SLC8A1: variants seen among roughly 807,000 people sequenced by gnomAD.
The protein encoded by SLC8A1 is solute carrier family 8 member A1, also known as sodium/calcium exchanger 1.
SLC8A1 carries 18 observed loss-of-function variants against 68.3 expected under a neutral mutation model. The ratio of observed to expected loss-of-function variants is 0.26; its 90% CI spans 0.18 to 0.39. The LOEUF is 0.39. Among genes scored for constraint, SLC8A1 ranks in the 10% least tolerant of loss-of-function variants. The pLI is 1.00. For synonymous variants in SLC8A1, 475 were observed against 415.5 expected (o/e 1.14, Z -1.74); for missense variants, 985 against 1,156.7 (o/e 0.85, Z 2.15).
intron 6 of SLC8A1, among the ~76,000 whole-genome samples, chr2:40,147,792 G>A (rs1327313852): frequency 6.6e-6 from 1 of 152,176 alleles, no homozygotes; most frequent in Non-Finnish European, 1.5e-5. Context: ...GCTGCCCAGA[G>A]CCTCTTAAGA....
intron 1 of SLC8A1, among the ~76,000 whole-genome samples, chr2:40,484,437 G>A (rs1032016313): frequency 6.6e-6 from 1 of 152,210 alleles, no homozygotes; most frequent in African/African-American, 2.4e-5. Flanking sequence ...ACTCTTCTCA[G>A]GGATGCTGTG....
intron 1 of SLC8A1, among the ~76,000 whole-genome samples, chr2:40,506,442 A>T (rs1706374889): frequency 6.6e-6 from 1 of 151,944 alleles, no homozygotes; most frequent in Non-Finnish European, 1.5e-5. Flanking sequence ...CATTTGTTGA[A>T]CATAAGCTAA....
At chr2:40,154,085 A>T (rs1447673413) in intron 6 of SLC8A1, among the ~76,000 whole-genome samples, 1 of 152,140 alleles carries the variant, frequency 6.6e-6, no homozygotes, top group East Asian at 1.9e-4. Context: ...TTCATATTCC[A>T]GCTAATCACT....
rs1271383599 is a variant in SLC8A1 at position 40,160,755 on chromosome 2, A to T, written c.2161+10T>A. The T allele has an allele frequency of 6.2e-7, 1 of 1,610,240 alleles. No homozygotes were observed. The highest frequency in any genetic ancestry group is 8.5e-7 in the Non-Finnish European group (1 of 1,176,758). On this transcript the variant is annotated intron_variant, in intron 6 of 7. Coordinates refer to ENST00000406785, the Ensembl canonical transcript of SLC8A1. Reference sequence around the variant, plus strand: ...ATTTTAATTTATAATATGCAGAGAAAGGCACTCACCAGCACTGACAGTGAT... The same window carrying T: ...ATTTTAATTTATAATATGCAGAGAATGGCACTCACCAGCACTGACAGTGAT...
chr2:40,213,195 T>C (rs1461859331), intron 2 of SLC8A1: 1 of 152,210 alleles, frequency 6.6e-6, no homozygotes, highest in Non-Finnish European at 1.5e-5. Flanking sequence ...CCCAGTGATA[T>C]GAGTACCCAC....
chr2:40,313,976 G>A (rs1028422138), intron 2 of SLC8A1, among the ~76,000 whole-genome samples: 5 of 151,908 alleles, frequency 3.3e-5, no homozygotes, highest in Admixed American at 3.3e-4. Context: ...AGTCTAGCCT[G>A]TCTTTTCCTT....
intron 2 of SLC8A1, among the ~76,000 whole-genome samples, chr2:40,338,900 A>T (rs1432367640): frequency 6.6e-6 from 1 of 152,180 alleles, no homozygotes; most frequent in Non-Finnish European, 1.5e-5. Flanking sequence ...CTAAACTAAA[A>T]ATCAGAAATT....
At chr2:40,113,223 A>G (rs2034790644) in exon 8 of SLC8A1, 1 of 152,496 alleles carries the variant, frequency 6.6e-6, no homozygotes, top group Non-Finnish European at 1.5e-5. Flanking sequence ...ACTGAGTGAC[A>G]GAAGAAAAAA....
chr2:40,392,948 T>C (rs899799254), intron 2 of SLC8A1, among the ~76,000 whole-genome samples: 1 of 152,124 alleles, frequency 6.6e-6, no homozygotes, highest in African/African-American at 2.4e-5. Flanking sequence ...GATTATAGTG[T>C]ACTAGTAAAT....
rs1004802652 is a variant in SLC8A1 at position 40,351,502 on chromosome 2, G to T, written c.1808+76971C>A. On this transcript the variant is annotated intron_variant, in intron 2 of 7. Transcript: ENST00000406785. The stretch of plus-strand genomic sequence containing the variant: ...CCTTGTCTGCCCCTCCTGTGATGCC[G>T]CCAGTATTCTAATCTCCAAATCTAA... Among the ~76,000 whole-genome samples the T allele has an allele frequency of 1.3e-5, 2 of 151,290 alleles. 1 individual carries two copies. The highest frequency in any genetic ancestry group is 3.9e-4 in the East Asian group (2 of 5,136).
At chr2:40,299,088 G>GC (rs964551764) in intron 2 of SLC8A1, among the ~76,000 whole-genome samples, 3 of 78,548 alleles carry the variant, frequency 3.8e-5, no homozygotes, top group Non-Finnish European at 8.1e-5. Context: ...ACAGTTACTT[G>GC]GGGTATTTCT....
At chr2:40,169,287 C>G (rs13017329) in intron 4 of SLC8A1, among the ~76,000 whole-genome samples, 25,421 of 152,060 alleles carry the variant, frequency 0.17, 2,629 homozygotes, top group East Asian at 0.45. Context: ...TTTGGAGAGG[C>G]GGACAAGGCC....
intron 2 of SLC8A1, among the ~76,000 whole-genome samples, chr2:40,416,096 A>G (rs866442537): frequency 6.7e-6 from 1 of 148,562 alleles, no homozygotes; most frequent in African/African-American, 2.5e-5. Flanking sequence ...CACTTTTCTG[A>G]GACAGCAAGC....
chr2:40,145,074 C>T (rs2042207417), intron 6 of SLC8A1, among the ~76,000 whole-genome samples: 1 of 152,166 alleles, frequency 6.6e-6, no homozygotes, highest in Non-Finnish European at 1.5e-5. Context: ...CATTGCCTGC[C>T]CCAACCCCTG....
chr2:40,451,109 T>A (rs1388520223), intron 1 of SLC8A1, among the ~76,000 whole-genome samples: 1 of 152,214 alleles, frequency 6.6e-6, no homozygotes, highest in Non-Finnish European at 1.5e-5. Flanking sequence ...GACCGCCCTC[T>A]TCTTCATTAA....
intron 7 of SLC8A1, among the ~76,000 whole-genome samples, chr2:40,125,498 C>T (rs191232934): frequency 2.0e-5 from 3 of 152,290 alleles, no homozygotes; most frequent in Non-Finnish European, 2.9e-5. Flanking sequence ...TCGTGTTAAG[C>T]ATTGAAGAAC....
At chr2:40,367,798 A>G (rs11687700) in intron 2 of SLC8A1, among the ~76,000 whole-genome samples, 12,186 of 152,054 alleles carry the variant, frequency 0.08, 620 homozygotes, top group East Asian at 0.18. Flanking sequence ...GCAGCCTAGG[A>G]TTACACTAGC....
chr2:40,297,631 C>A (rs2070662086), intron 2 of SLC8A1, among the ~76,000 whole-genome samples: 1 of 152,160 alleles, frequency 6.6e-6, no homozygotes, highest in Non-Finnish European at 1.5e-5. Flanking sequence ...CTTCTTTATA[C>A]CAATCATCTG....
exon 8 of SLC8A1, chr2:40,103,019 A>G (rs1182811636): frequency 6.6e-6 from 1 of 152,186 alleles, no homozygotes; most frequent in Non-Finnish European, 1.5e-5. Flanking sequence ...AGATCATTTT[A>G]TCGGTTGCAA....
Sources: gnomAD v4.1 joint callset for allele counts (sites outside exome capture counted in the v4.1 genomes callset) on GRCh38, gnomAD v4.1.1 for gene constraint, MANE v1.5 for transcripts, NCBI Gene and HGNC (gene_info 2026-07-23, HGNC 2026-07-21) for gene names.